The following KCNH8 variants were observed in gnomAD, a reference collection of about 807,000 sequenced individuals.
The protein encoded by KCNH8 is voltage-gated delayed rectifier potassium channel KCNH8.
A neutral mutation model predicts 103.6 loss-of-function variants in KCNH8; 70 were observed. The observed-to-expected ratio is 0.68, with a 90% CI of 0.56 to 0.82. The LOEUF (loss-of-function observed/expected upper bound fraction) is 0.82, where lower values mean the gene tolerates loss of function less well. KCNH8 is among the 40% of genes least tolerant of loss of function. The pLI is 0.00. For missense variants in KCNH8, 1,217 were observed against 1,329.9 expected (o/e 0.92, Z 1.32); for synonymous variants, 498 against 489.4 (o/e 1.02, Z -0.23).
intron 7 of KCNH8, among the ~76,000 whole-genome samples, chr3:19,414,314 A>G (rs903351067): frequency 1.3e-5 from 2 of 152,140 alleles, no homozygotes; most frequent in African/African-American, 4.8e-5. Context: ...AAATATAGTT[A>G]TAATGGGATT....
chr3:19,165,838 A>G (rs2063277844), intron 1 of KCNH8, among the ~76,000 whole-genome samples: 2 of 152,192 alleles, frequency 1.3e-5, no homozygotes, highest in South Asian at 2.1e-4. Flanking sequence ...TAGATTGTCT[A>G]CAGGCTCTGC....
At chr3:19,209,931 T>G (rs1413869049) in intron 1 of KCNH8, among the ~76,000 whole-genome samples, 1 of 152,022 alleles carries the variant, frequency 6.6e-6, no homozygotes, top group African/African-American at 2.4e-5. Context: ...GAGATTTTTT[T>G]GGGGGCGGAA....
At chr3:19,156,626 TTTTAAAAAGGAAATCCATTTTC>T (rs1486402959) in intron 1 of KCNH8, among the ~76,000 whole-genome samples, 1 of 152,166 alleles carries the variant, frequency 6.6e-6, no homozygotes, top group African/African-American at 2.4e-5. Flanking sequence ...TGTCCATTTT[TTTTAAAAAGGAAATCCATTTTC>T]TTTGAGATTT....
intron 5 of KCNH8, among the ~76,000 whole-genome samples, chr3:19,373,551 A>G (rs2066138525): frequency 6.6e-6 from 1 of 152,108 alleles, no homozygotes; most frequent in African/African-American, 2.4e-5. Context: ...TGATCCTTTC[A>G]AAAACCAGCT....
chr3:19,185,938 C>T (rs185000952), intron 1 of KCNH8, among the ~76,000 whole-genome samples: 1 of 152,072 alleles, frequency 6.6e-6, no homozygotes, highest in Non-Finnish European at 1.5e-5. Context: ...CACACATGCA[C>T]ACACATTCAT....
At chr3:19,406,296 T>G (rs1426896458) in intron 7 of KCNH8, among the ~76,000 whole-genome samples, 2 of 152,110 alleles carry the variant, frequency 1.3e-5, no homozygotes, top group Non-Finnish European at 2.9e-5. Context: ...CCTAAAGTTC[T>G]TAACCTTCGG....
intron 3 of KCNH8, among the ~76,000 whole-genome samples, chr3:19,324,020 T>C (rs2065386774): frequency 1.3e-5 from 2 of 152,172 alleles, no homozygotes; most frequent in African/African-American, 4.8e-5. Context: ...GCACATCAGC[T>C]GTAGTAGTAT....
intron 7 of KCNH8, among the ~76,000 whole-genome samples, chr3:19,425,546 C>T (rs2067016520): frequency 6.6e-6 from 1 of 152,064 alleles, no homozygotes; most frequent in South Asian, 2.1e-4. Context: ...GAGATGGACT[C>T]AATGAAGGTA....
At chr3:19,518,193 G>T in intron 15 of KCNH8, 119 bp downstream of exon 15, 1 of 703,832 alleles carries the variant, frequency 1.4e-6, no homozygotes. Flanking sequence ...AGACCACCAT[G>T]GGTGAATCTC....
At chr3:19,330,476 C>G (rs1001657759) in intron 3 of KCNH8, among the ~76,000 whole-genome samples, 1 of 152,120 alleles carries the variant, frequency 6.6e-6, no homozygotes, top group Admixed American at 6.6e-5. Flanking sequence ...CAATGAATTT[C>G]CAGCACCTAT....
chr3:19,240,774 C>T (rs2064130215), intron 1 of KCNH8, among the ~76,000 whole-genome samples: 1 of 152,204 alleles, frequency 6.6e-6, no homozygotes, highest in Admixed American at 6.5e-5. Context: ...AGATACACCT[C>T]TGCCTTTCTA....
rs574501453 is a variant in KCNH8 at position 19,298,042 on chromosome 3, T to C, written c.442+16713T>C. Among the ~76,000 whole-genome samples, 15 of 152,310 alleles carry C rather than the reference T, an allele frequency of 9.8e-5. No homozygotes were observed. In the East Asian group the frequency reaches 1.3e-3, roughly 14 times the overall value. On this transcript the variant is annotated intron_variant, in intron 3 of 15. Coordinates refer to ENST00000328405, the MANE Select transcript of KCNH8 (RefSeq NM_144633.3). Reference sequence around the variant, plus strand: ...ACTCTTATGCAATTGTACATCACCATTGGAGTCAAAATATAAAGTTTTAAT... The same window carrying C: ...ACTCTTATGCAATTGTACATCACCACTGGAGTCAAAATATAAAGTTTTAAT...
At chr3:19,499,391 C>T (rs1432460051) in intron 11 of KCNH8, among the ~76,000 whole-genome samples, 1 of 152,100 alleles carries the variant, frequency 6.6e-6, no homozygotes, top group African/African-American at 2.4e-5. Context: ...GGAGAACTTC[C>T]CCAATCTAGC....
At chr3:19,382,511 A>T (rs887895762) in intron 5 of KCNH8, among the ~76,000 whole-genome samples, 2 of 152,196 alleles carry the variant, frequency 1.3e-5, no homozygotes, top group Non-Finnish European at 2.9e-5. Flanking sequence ...TATTACTTTG[A>T]TGATCATTAT....
At chr3:19,528,769 T>C (rs913613154) in intron 15 of KCNH8, among the ~76,000 whole-genome samples, 4 of 152,032 alleles carry the variant, frequency 2.6e-5, no homozygotes, top group African/African-American at 4.8e-5. Flanking sequence ...ATGGAGGTAT[T>C]GTATTTATTT....
Position 19,503,617 on chromosome 3 carries a change from C to T in KCNH8, c.2041-6746C>T, listed in dbSNP as rs912025809. Among the ~76,000 whole-genome samples the T allele has an allele frequency of 1.5e-3, 229 of 152,094 alleles. 1 individual carries two copies. The highest frequency in any genetic ancestry group is 4.7e-3 in the African/African-American group (197 of 41,508). ...GCAGCCATAAAAAATGATGAGTTCACGTCCTTTGTAGGGACATGGATTAAA... is the reference window on the plus strand; with the variant it reads ...GCAGCCATAAAAAATGATGAGTTCATGTCCTTTGTAGGGACATGGATTAAA... On this transcript the variant is annotated intron_variant, in intron 11 of 15. Transcript: ENST00000328405.
chr3:19,468,842 G>A (rs541767262), intron 11 of KCNH8, among the ~76,000 whole-genome samples: 25 of 152,170 alleles, frequency 1.6e-4, no homozygotes, highest in African/African-American at 5.5e-4. Flanking sequence ...TAGATCTTTC[G>A]AATGAAGTTT....
chr3:19,482,989 G>A (rs1216906813), intron 11 of KCNH8, among the ~76,000 whole-genome samples: 2 of 151,986 alleles, frequency 1.3e-5, no homozygotes, highest in Non-Finnish European at 2.9e-5. Flanking sequence ...GCTGTCTTGT[G>A]TCTAAGTAGC....
intron 1 of KCNH8, among the ~76,000 whole-genome samples, chr3:19,177,046 AAG>A (rs1414861598): frequency 1.3e-5 from 2 of 152,132 alleles, no homozygotes; most frequent in Non-Finnish European, 2.9e-5. Flanking sequence ...TTTTCTCCAT[AAG>A]TCACATCACA....
Sources: gnomAD v4.1 joint callset for allele counts (sites outside exome capture counted in the v4.1 genomes callset) on GRCh38, gnomAD v4.1.1 for gene constraint, MANE v1.5 for transcripts, NCBI Gene and HGNC (gene_info 2026-07-23, HGNC 2026-07-21) for gene names.